JAK2: variants seen among roughly 807,000 people sequenced by gnomAD.
The protein encoded by JAK2 is Janus kinase 2.
A neutral mutation model predicts 139.3 loss-of-function variants in JAK2; 86 were observed. The observed-to-expected ratio is 0.62, with a 90% CI of 0.52 to 0.74. JAK2 has a LOEUF of 0.74. Among genes scored for constraint, JAK2 ranks in the 30% least tolerant of loss-of-function variants. The pLI is 0.00. For missense variants in JAK2, 1,421 were observed against 1,360.3 expected (o/e 1.04, Z -0.70); for synonymous variants, 490 against 437.7 (o/e 1.12, Z -1.49).
rs113722429 is a variant in JAK2 at position 4,988,108 on chromosome 9, T to A, written c.-26+2086T>A. 6.7e-3 allele frequency among the ~76,000 whole-genome samples: 1,015 copies of A among 152,306 alleles called. 13 individuals are homozygous for A. Among genetic ancestry groups the A allele is most frequent in the African/African-American group, 0.023 (975 of 41,552 alleles). On this transcript the variant is annotated intron_variant, in intron 2 of 24. Coordinates refer to ENST00000381652, the MANE Select transcript of JAK2 (RefSeq NM_004972.4). ...AATTATTGTGCTGCCCCCTTGTGGT[T>A]AACTGTGCTAAGACCTTTCTTTTGC...
chr9:5,119,893 A>G (rs1823485009), intron 22 of JAK2, among the ~76,000 whole-genome samples: 1 of 152,040 alleles, frequency 6.6e-6, no homozygotes, highest in African/African-American at 2.4e-5. Context: ...ATTTTATACA[A>G]TGAAATGAAG....
At chr9:5,005,456 T>A (rs1821235164) in intron 2 of JAK2, among the ~76,000 whole-genome samples, 2 of 152,200 alleles carry the variant, frequency 1.3e-5, no homozygotes, top group South Asian at 4.1e-4. Context: ...TACAAGTTTT[T>A]AAATCTGGTA....
chr9:4,987,469 C>T (rs1292559872), intron 2 of JAK2, among the ~76,000 whole-genome samples: 2 of 152,114 alleles, frequency 1.3e-5, no homozygotes, highest in Non-Finnish European at 2.9e-5. Flanking sequence ...GTCATGGTGG[C>T]TCACGCCTGT....
chr9:5,088,635 G>T (rs976325833), intron 19 of JAK2, among the ~76,000 whole-genome samples: 8 of 152,172 alleles, frequency 5.3e-5, no homozygotes, highest in African/African-American at 1.9e-4. Context: ...AGACTGGGTA[G>T]CTTAAACATC....
chr9:5,020,963 C>T (rs1157214596), intron 2 of JAK2, among the ~76,000 whole-genome samples: 1 of 152,072 alleles, frequency 6.6e-6, no homozygotes, highest in Non-Finnish European at 1.5e-5. Flanking sequence ...AGCATAAGCT[C>T]CCTCTCTAAA....
chr9:5,043,924 T>G (rs879610341), intron 4 of JAK2, among the ~76,000 whole-genome samples: 20 of 152,224 alleles, frequency 1.3e-4, no homozygotes, highest in Non-Finnish European at 2.4e-4. Flanking sequence ...AATTTTACAC[T>G]TTAAGTGGGT....
At chr9:5,110,992 C>T in intron 22 of JAK2, 2 of 664,730 alleles carry the variant, frequency 3.0e-6, no homozygotes, top group Non-Finnish European at 5.4e-6. Context: ...GATGTTCCCG[C>T]TGCCCGTTGC....
intron 5 of JAK2, among the ~76,000 whole-genome samples, chr9:5,045,335 C>A (rs912766716): frequency 5.3e-5 from 8 of 152,106 alleles, no homozygotes; most frequent in African/African-American, 1.9e-4. Flanking sequence ...AAGCCTAGTT[C>A]AGTTTATGAA....
At chr9:5,021,831 C>G (rs1240381954) in intron 2 of JAK2, 132 bp from the exon 3 acceptor site, 18 of 597,794 alleles carry the variant, frequency 3.0e-5, no homozygotes, top group Non-Finnish European at 5.3e-5. Flanking sequence ...TGAGGTTTCA[C>G]CATGTTGCTG....
At position 5,111,019 on chromosome 9, in the gene JAK2, C is replaced by A. The variant is rs1051868913; in HGVS notation, c.3060-11985C>A. The A allele has an allele frequency of 5.1e-6, 4 of 788,570 alleles. No homozygotes were observed. In the East Asian group the frequency reaches 1.3e-4, roughly 26 times the overall value. 48.8% of individuals were successfully genotyped at this position (788,570 alleles called of 1,614,324 possible). On this transcript the variant is annotated intron_variant, in intron 22 of 24. Transcript: ENST00000381652. ...GCCCGTTGCCAACGGGAAGGGCCGG[C>A]CCGCCTCCCTGGCCGGGGCGCAATT...
intron 2 of JAK2, among the ~76,000 whole-genome samples, chr9:5,000,252 G>C (rs1247201091): frequency 6.6e-6 from 1 of 151,920 alleles, no homozygotes; most frequent in Non-Finnish European, 1.5e-5. Context: ...GTGGGGTTTA[G>C]AAAGGAGGTA....
At chr9:5,012,315 C>T (rs911010217) in intron 2 of JAK2, among the ~76,000 whole-genome samples, 5 of 152,110 alleles carry the variant, frequency 3.3e-5, no homozygotes, top group East Asian at 1.9e-4. Context: ...CATATCCCCC[C>T]GATTTGTATC....
chr9:5,028,688 A>G lies in JAK2; in HGVS notation c.227-1095A>G, dbSNP rs918818231. ...GATAACTTGCTGCATCCTCTCCATC[A>G]ACACTTGCTGCTTCACCTTGCACTT... On this transcript the variant is annotated intron_variant, in intron 3 of 24. Coordinates refer to ENST00000381652, the MANE Select transcript of JAK2 (RefSeq NM_004972.4). Among the ~76,000 whole-genome samples, 3 of 152,186 alleles carry G rather than the reference A, an allele frequency of 2.0e-5. No individual in the cohort carries two copies. The South Asian group carries it at 6.2e-4, about 31-fold the overall frequency.
intron 4 of JAK2, among the ~76,000 whole-genome samples, chr9:5,039,097 G>T (rs1228420726): frequency 6.6e-6 from 1 of 152,120 alleles, no homozygotes; most frequent in African/African-American, 2.4e-5. Context: ...GATCAGGAAT[G>T]AGATGAGGAT....
At chr9:5,019,584 A>G (rs1822282290) in intron 2 of JAK2, among the ~76,000 whole-genome samples, 1 of 152,108 alleles carries the variant, frequency 6.6e-6, no homozygotes, top group South Asian at 2.1e-4. Context: ...GATCCTTTGG[A>G]GATGTCATAT....
At chr9:4,993,029 C>G (rs982079446) in intron 2 of JAK2, among the ~76,000 whole-genome samples, 21 of 152,186 alleles carry the variant, frequency 1.4e-4, no homozygotes, top group African/African-American at 3.9e-4. Context: ...TTGCTTCCTG[C>G]CTGTAGTGCT....
intron 2 of JAK2, among the ~76,000 whole-genome samples, chr9:4,998,114 A>T (rs542533218): frequency 3.3e-5 from 5 of 152,342 alleles, no homozygotes; most frequent in African/African-American, 1.2e-4. Flanking sequence ...CACGAGCAGA[A>T]TTAATTAAAT....
At position 5,126,322 on chromosome 9, in the gene JAK2, G is replaced by C. The variant is rs779522337; in HGVS notation, c.3178-11G>C. On this transcript the variant is annotated splice_polypyrimidine_tract_variant and intron_variant, in intron 23 of 24. Coordinates refer to ENST00000381652, the MANE Select transcript of JAK2 (RefSeq NM_004972.4). ...AATGTACAAAAAATATTGAAAGTGG[G>C]TTTGTTTTAGGAATTTATGCGTATG... 3 of 1,553,726 alleles carry C rather than the reference G, an allele frequency of 1.9e-6. No homozygotes were observed. The South Asian group carries it at 3.5e-5, about 18-fold the overall frequency.
In JAK2 at chr9:5,079,002, TC is replaced by T. The variant is rs573327825; in HGVS notation, c.2131+559del. Among the ~76,000 whole-genome samples the T allele has an allele frequency of 2.6e-3, 393 of 152,378 alleles. 2 individuals carry two copies. The highest frequency in any genetic ancestry group is 8.6e-3 in the African/African-American group (358 of 41,592). On this transcript the variant is annotated intron_variant, in intron 16 of 24. Transcript: ENST00000381652. ...AGATAATTATAACTGAATTTTGTTA[TC>T]TTAGATAATTTCTCTAATTGGATGT...
Sources: gnomAD v4.1 joint callset for allele counts (sites outside exome capture counted in the v4.1 genomes callset) on GRCh38, gnomAD v4.1.1 for gene constraint, MANE v1.5 for transcripts, NCBI Gene and HGNC (gene_info 2026-07-23, HGNC 2026-07-21) for gene names.